KANSL3: variants seen among roughly 807,000 people sequenced by gnomAD.
The protein encoded by KANSL3 is NSL complex protein NSL3.
A neutral mutation model predicts 89.2 loss-of-function variants in KANSL3; 16 were observed. The ratio of observed to expected loss-of-function variants is 0.18; its 90% CI spans 0.12 to 0.27. The LOEUF is 0.27. Ranked by LOEUF, KANSL3 falls within the 10% of genes least tolerant of loss-of-function variation. The pLI, the probability that KANSL3 is intolerant of heterozygous loss-of-function variation, is 1.00. For missense variants in KANSL3, 879 were observed against 1,110.6 expected, an observed-to-expected ratio of 0.79 and a Z score of 2.96; for synonymous variants, 385 against 419.7, an observed-to-expected ratio of 0.92 and a Z score of 1.01.
downstream of KANSL3, among the ~76,000 whole-genome samples, chr2:96,588,454 C>A (rs974065075): frequency 6.6e-6 from 1 of 151,994 alleles, no homozygotes; most frequent in Non-Finnish European, 1.5e-5. Context: ...AATGTGTTGC[C>A]GCTGACAACA....
intron 2 of KANSL3, among the ~76,000 whole-genome samples, chr2:96,633,596 T>C (rs1308706252): frequency 1.4e-5 from 2 of 145,852 alleles, no homozygotes; most frequent in African/African-American, 2.5e-5. Flanking sequence ...CCGGACATGG[T>C]GGCTCATGCC....
At chr2:96,592,042 C>T (rs1445339609), downstream of KANSL3, among the ~76,000 whole-genome samples, 1 of 152,176 alleles carries the variant, frequency 6.6e-6, no homozygotes, top group East Asian at 1.9e-4. Flanking sequence ...TGCTATGGCC[C>T]TGTCCCCATA....
intron 2 of KANSL3, among the ~76,000 whole-genome samples, chr2:96,632,248 G>A (rs1478132378): frequency 2.0e-5 from 3 of 152,108 alleles, no homozygotes; most frequent in African/African-American, 7.2e-5. Flanking sequence ...AAGGAGGATT[G>A]TTTAAGCCCA....
chr2:96,615,181 A>AAAAAAAAAAAAAAAAAAAAAAAAC (rs2069803868), intron 5 of KANSL3: 2 of 151,868 alleles, frequency 1.3e-5, no homozygotes, highest in African/African-American at 4.9e-5. Flanking sequence ...AAAAAAAAAA[A>AAAAAAAAAAAAAAAAAAAAAAAAC]AAAAAAAGAC....
At chr2:96,617,423 C>T (rs575202871) in intron 5 of KANSL3, among the ~76,000 whole-genome samples, 1 of 152,088 alleles carries the variant, frequency 6.6e-6, no homozygotes, top group South Asian at 2.1e-4. Flanking sequence ...ACAAACTTGG[C>T]ACCCTTTAAC....
rs754471571 is a variant in KANSL3, at chr2:96,610,774, C to G, written c.1271G>C (p.Arg424Pro). The G allele has an allele frequency of 1.2e-6, 2 of 1,613,990 alleles. No homozygotes were observed. The highest frequency in any genetic ancestry group is 1.7e-6 in the Non-Finnish European group (2 of 1,179,894). ...AACCACCACCAAGCTGTTCTCAGCT[C>G]GAATCTTCTCCCGGAAGTCCTCCAT... ...EAMEDFREKI[R>P]AENSLVVVGG... The change falls in exon 11 of 21, where the codon CGA (arginine) becomes CCA (proline). Residue 424 changes from arginine to proline, a missense_variant. Physicochemically the swap from Arg to Pro is moderately radical, Grantham distance 103 (BLOSUM62 -2). Transcript: ENST00000431828.
chr2:96,607,823 A>C (rs1009327414), intron 14 of KANSL3, among the ~76,000 whole-genome samples: 2 of 152,114 alleles, frequency 1.3e-5, no homozygotes, highest in East Asian at 3.9e-4. Flanking sequence ...CCTATTCCTG[A>C]AAAGCTCAGG....
At chr2:96,587,620 CCACT>C in the KANSL3 span, among the ~76,000 whole-genome samples, 4 of 152,166 alleles carry the variant, frequency 2.6e-5, no homozygotes, top group African/African-American at 9.7e-5. Context: ...TCATCCAAAA[CCACT>C]CAAAGAATAT....
chr2:96,590,618 CAT>C (rs112921535), downstream of KANSL3, among the ~76,000 whole-genome samples: 36,343 of 150,656 alleles, frequency 0.24, 5,895 homozygotes, highest in South Asian at 0.66. Context: ...AAAAACTTAA[CAT>C]ATGACCTAGT....
At chr2:96,628,037 T>C (rs2072710413) in intron 3 of KANSL3, 3 of 1,290,254 alleles carry the variant, frequency 2.3e-6, no homozygotes, top group South Asian at 2.5e-5. Context: ...CATCAATCTG[T>C]GGCAATGTGG....
chr2:96,602,953 A>G (rs1188275913), intron 17 of KANSL3, 91 bp from the exon 18 acceptor site: 6 of 1,189,606 alleles, frequency 5.0e-6, no homozygotes, highest in Non-Finnish European at 7.3e-6. Context: ...CCACCAACTA[A>G]AACACCAGTG....
the KANSL3 span, among the ~76,000 whole-genome samples, chr2:96,581,030 G>A: frequency 6.6e-6 from 1 of 152,230 alleles, no homozygotes; most frequent in Admixed American, 6.5e-5. Context: ...GTGCAGCCCT[G>A]CAGACTCTCT....
chr2:96,607,293 T>C (rs1279874506), intron 14 of KANSL3, among the ~76,000 whole-genome samples: 3 of 152,146 alleles, frequency 2.0e-5, no homozygotes, highest in African/African-American at 7.2e-5. Context: ...GAAGAAGGCA[T>C]GGCACACAGC....
chr2:96,602,614 G>T (rs148636494), intron 18 of KANSL3, 139 bp downstream of exon 18: 15 of 699,516 alleles, frequency 2.1e-5, no homozygotes, highest in South Asian at 3.8e-5. Context: ...CTTAACTTTT[G>T]TAAGTTCCCT....
chr2:96,581,514 A>G, the KANSL3 span, among the ~76,000 whole-genome samples: 1 of 152,010 alleles, frequency 6.6e-6, no homozygotes, highest in Non-Finnish European at 1.5e-5. Context: ...ATACTATTAT[A>G]AGCTTCTTAA....
chr2:96,623,955 C>T (rs1219061548), intron 3 of KANSL3, among the ~76,000 whole-genome samples: 1 of 152,250 alleles, frequency 6.6e-6, no homozygotes. Context: ...CCTTTTGTAA[C>T]CCCCTTTTGG....
the KANSL3 span, among the ~76,000 whole-genome samples, chr2:96,586,430 A>G: frequency 6.6e-6 from 1 of 152,094 alleles, no homozygotes; most frequent in African/African-American, 2.4e-5. Context: ...TAAAAATAAG[A>G]AAGATTTTCT....
intron 5 of KANSL3, among the ~76,000 whole-genome samples, chr2:96,618,322 T>A (rs2070608658): frequency 6.6e-6 from 1 of 152,114 alleles, no homozygotes; most frequent in Non-Finnish European, 1.5e-5. Flanking sequence ...CCTAACTAGC[T>A]GGGACTACAG....
chr2:96,637,227 A>ACGGC, intron 1 of KANSL3, 42 bp from the exon 2 acceptor site: 2 of 744,760 alleles, frequency 2.7e-6, no homozygotes, highest in Admixed American at 2.7e-5. Context: ...CCAATATCCT[A>ACGGC]AATTTCTCCC....
Sources: gnomAD v4.1 joint callset for allele counts (sites outside exome capture counted in the v4.1 genomes callset) on GRCh38, gnomAD v4.1.1 for gene constraint, MANE v1.5 for transcripts, NCBI Gene and HGNC (gene_info 2026-07-23, HGNC 2026-07-21) for gene names.